The following ARHGEF10L variants were observed in gnomAD, a reference collection of about 807,000 sequenced individuals.
ARHGEF10L encodes the protein Rho guanine nucleotide exchange factor 10 like.
ARHGEF10L carries 69 observed loss-of-function variants against 141.2 expected under a neutral mutation model. The observed-to-expected ratio is 0.49, with a 90% CI of 0.40 to 0.60. The LOEUF (loss-of-function observed/expected upper bound fraction) is 0.60. Among genes scored for constraint, ARHGEF10L ranks in the 20% least tolerant of loss-of-function variants. The probability of loss-of-function intolerance (pLI) is 0.00; values close to 1 mark genes in which losing one functional copy is unlikely to be tolerated. For synonymous variants in ARHGEF10L, 711 were observed against 718.5 expected (o/e 0.99, Z 0.17); for missense variants, 1,482 against 1,734.3 (o/e 0.85, Z 2.58).
chr1:17,628,715 G>A lies in ARHGEF10L; in HGVS notation c.1584+1212G>A, dbSNP rs986491516. Among the ~76,000 whole-genome samples the A allele has an allele frequency of 5.9e-5, 9 of 152,220 alleles. No individual in the cohort carries two copies. In the East Asian group the frequency reaches 1.7e-3, roughly 29 times the overall value. ...CCTAGAAGCAGAACTAAGGCCTATG[G>A]CTGGCTGTTCCCAGGAGGGAGGTTT... On this transcript the variant is annotated intron_variant, in intron 15 of 28. Transcript: ENST00000361221.
chr1:17,689,065 A>T (rs1195016169), intron 27 of ARHGEF10L, among the ~76,000 whole-genome samples: 1 of 152,096 alleles, frequency 6.6e-6, no homozygotes, highest in African/African-American at 2.4e-5. Flanking sequence ...CACATTACAG[A>T]TGCAGACACT....
In ARHGEF10L at chr1:17,673,200, G is replaced by T. The variant is rs773700269; in HGVS notation, c.3009+8605G>T. 2.8e-4 allele frequency among the ~76,000 whole-genome samples: 43 copies of T among 152,162 alleles called. No homozygotes were observed. Among genetic ancestry groups the T allele is most frequent in the Non-Finnish European group, 5.1e-4 (35 of 68,028 alleles). ...GACATATGGGACGGGAGGTGAGGAA[G>T]GGGAGCTGGCACGGCAGGGGCAGTC... On this transcript the variant is annotated intron_variant, in intron 26 of 28. Coordinates refer to ENST00000361221, the MANE Select transcript of ARHGEF10L (RefSeq NM_018125.4). This position sits in a 1 kb window ranked among gnomAD's most constrained non-coding sequence, Gnocchi z 4.1.
chr1:17,552,558 C>G (rs1001386081), intron 1 of ARHGEF10L, among the ~76,000 whole-genome samples: 8 of 135,632 alleles, frequency 5.9e-5, no homozygotes, highest in African/African-American at 1.9e-4. Flanking sequence ...GCTACCACAG[C>G]TGGCTAATTT....
the ARHGEF10L span, among the ~76,000 whole-genome samples, chr1:17,526,425 G>T: frequency 6.6e-6 from 1 of 152,190 alleles, no homozygotes; most frequent in East Asian, 1.9e-4. Flanking sequence ...TCAGAGTTGG[G>T]TTCAGATCTC....
Position 17,661,939 on chromosome 1 carries a change from C to T in ARHGEF10L, c.2861-2508C>T, listed in dbSNP as rs139331154. The stretch of plus-strand genomic sequence containing the variant: ...GAAGCAGGCCAGGCCCAGAGTCAGA[C>T]AGAGCCGAGTTCAAAACCCGTCTGG... On this transcript the variant is annotated intron_variant, in intron 25 of 28. Transcript: ENST00000361221. Among the ~76,000 whole-genome samples, 437 of 151,634 alleles carry T rather than the reference C, an allele frequency of 2.9e-3. 13 individuals are homozygous for T. In the East Asian group the frequency reaches 0.071, roughly 25 times the overall value.
intron 4 of ARHGEF10L, among the ~76,000 whole-genome samples, chr1:17,600,327 C>A (rs2080523163): frequency 6.6e-6 from 1 of 152,222 alleles, no homozygotes; most frequent in Non-Finnish European, 1.5e-5. Flanking sequence ...CAAGTTGATT[C>A]TTTGGCAACG....
chr1:17,516,399 C>T, the ARHGEF10L span, among the ~76,000 whole-genome samples: 1 of 152,222 alleles, frequency 6.6e-6, no homozygotes, highest in Non-Finnish European at 1.5e-5. Context: ...AAGATCCCTC[C>T]CCTCTACAGG....
intron 28 of ARHGEF10L, 91 bp from the exon 29 acceptor site, chr1:17,696,757 A>C: frequency 3.1e-6 from 4 of 1,284,426 alleles, no homozygotes; most frequent in Admixed American, 2.5e-5. Flanking sequence ...CCAAATACCC[A>C]CCCAGAATGT....
At chr1:17,640,382 TG>T in intron 21 of ARHGEF10L, 80 bp downstream of exon 21, 1 of 1,293,118 alleles carries the variant, frequency 7.7e-7, no homozygotes, top group Non-Finnish European at 1.1e-6. Context: ...GGGTACAGGA[TG>T]GGTGTTCGGG....
intron 1 of ARHGEF10L, among the ~76,000 whole-genome samples, chr1:17,562,860 T>C (rs1447409840): frequency 6.6e-6 from 1 of 152,114 alleles, no homozygotes; most frequent in Non-Finnish European, 1.5e-5. Flanking sequence ...GGAGAGGCAG[T>C]GGCAAGCTGG....
chr1:17,575,561 TCCAGG>T (rs2078185571), intron 1 of ARHGEF10L, among the ~76,000 whole-genome samples: 1 of 152,182 alleles, frequency 6.6e-6, no homozygotes, highest in Non-Finnish European at 1.5e-5. Flanking sequence ...AGAGCAGAGT[TCCAGG>T]CCAGGCCCGG....
In ARHGEF10L at chr1:17,622,991, G is replaced by A. The variant is rs367933541; in HGVS notation, c.1021-5G>A. 4.2e-5 allele frequency: 67 copies of A among 1,610,072 alleles called. No homozygotes were observed. Among genetic ancestry groups the A allele is most frequent in the African/African-American group, 9.4e-5 (7 of 74,838 alleles). Reference sequence around the variant, plus strand: ...CCTGCGGCCTCACCCCGCCCTCCCCGGCAGGACTACCGCAACCCCCTGATG... The same window carrying A: ...CCTGCGGCCTCACCCCGCCCTCCCCAGCAGGACTACCGCAACCCCCTGATG... On this transcript the variant is annotated splice_polypyrimidine_tract_variant and splice_region_variant and intron_variant, in intron 11 of 28. Coordinates refer to ENST00000361221, the MANE Select transcript of ARHGEF10L (RefSeq NM_018125.4).
At chr1:17,580,877 C>T (rs961838690) in intron 2 of ARHGEF10L, among the ~76,000 whole-genome samples, 2 of 152,132 alleles carry the variant, frequency 1.3e-5, no homozygotes, top group African/African-American at 4.8e-5. Flanking sequence ...TGAGATCCGC[C>T]GGAGAGGTGA....
rs998249062 is a variant in ARHGEF10L, at chr1:17,577,099, C to T, written c.-43-3454C>T. Among the ~76,000 whole-genome samples the T allele has an allele frequency of 6.6e-5, 10 of 152,326 alleles. 1 individual carries two copies. Among genetic ancestry groups the T allele is most frequent in the African/African-American group, 1.9e-4 (8 of 41,570 alleles). ...TGCTCTGTCGCCTAGGCTGGAGTGGCAGTGGTGTGATCTTGGCTCACTGCA... is the reference window on the plus strand; with the variant it reads ...TGCTCTGTCGCCTAGGCTGGAGTGGTAGTGGTGTGATCTTGGCTCACTGCA... On this transcript the variant is annotated intron_variant, in intron 1 of 28. Coordinates refer to ENST00000361221, the MANE Select transcript of ARHGEF10L (RefSeq NM_018125.4).
At chr1:17,596,031 C>T (rs879442506) in intron 4 of ARHGEF10L, among the ~76,000 whole-genome samples, 9 of 152,310 alleles carry the variant, frequency 5.9e-5, no homozygotes, top group African/African-American at 9.6e-5. Context: ...GGTCGTGGCC[C>T]CGGGGTGCTT....
intron 1 of ARHGEF10L, among the ~76,000 whole-genome samples, chr1:17,548,027 G>A (rs1486923781): frequency 6.6e-6 from 1 of 152,106 alleles, no homozygotes; most frequent in African/African-American, 2.4e-5. Context: ...CTCATCTGTG[G>A]AATAGGGATA....
In ARHGEF10L at chr1:17,673,829, A is replaced by G. The variant is rs971997241; in HGVS notation, c.3009+9234A>G. Among the ~76,000 whole-genome samples, 3 of 152,140 alleles carry G rather than the reference A, an allele frequency of 2.0e-5. No individual in the cohort carries two copies. Among genetic ancestry groups the G allele is most frequent in the Admixed American group, 6.5e-5 (1 of 15,280 alleles). ...CCCAGGACTAAGCAGCTCCGTGTACATGCAGGTCCCAGGGCTGTGCCTGGT... is the reference window on the plus strand; with the variant it reads ...CCCAGGACTAAGCAGCTCCGTGTACGTGCAGGTCCCAGGGCTGTGCCTGGT... On this transcript the variant is annotated intron_variant, in intron 26 of 28. Transcript: ENST00000361221. This position sits in a 1 kb window ranked among gnomAD's most constrained non-coding sequence, Gnocchi z 4.1.
chr1:17,591,960 A>T (rs1052154578), intron 4 of ARHGEF10L, among the ~76,000 whole-genome samples: 3 of 152,176 alleles, frequency 2.0e-5, no homozygotes, highest in Non-Finnish European at 4.4e-5. Context: ...ATTTACCCAA[A>T]TCTCATGGAG....
At position 17,654,436 on chromosome 1, in the gene ARHGEF10L, G is replaced by A. The variant is rs553413810; in HGVS notation, c.2395-200G>A. Among the ~76,000 whole-genome samples, 10 of 152,320 alleles carry A rather than the reference G, an allele frequency of 6.6e-5. No individual in the cohort carries two copies. In the East Asian group the frequency reaches 1.7e-3, roughly 26 times the overall value. Reference sequence around the variant, plus strand: ...CTTGCAGGCCTCTTCTAGCCGGAAGGTTCTAGGAAAGGAAGAACAAATGTG... The same window carrying A: ...CTTGCAGGCCTCTTCTAGCCGGAAGATTCTAGGAAAGGAAGAACAAATGTG... On this transcript the variant is annotated intron_variant, in intron 22 of 28. Transcript: ENST00000361221. This position sits in a 1 kb window ranked among gnomAD's most constrained non-coding sequence, Gnocchi z 4.3.
Sources: gnomAD v4.1 joint callset for allele counts (sites outside exome capture counted in the v4.1 genomes callset) on GRCh38, gnomAD v4.1.1 for gene constraint, Gnocchi (gnomAD v3.1) non-coding constraint, MANE v1.5 for transcripts, NCBI Gene and HGNC (gene_info 2026-07-23, HGNC 2026-07-21) for gene names.